MALRD1: variants seen among roughly 807,000 people sequenced by gnomAD.
MALRD1 encodes the protein MAM and LDL receptor class A domain containing 1, also known as MAM and LDL-receptor class A domain-containing protein 1.
Under a neutral mutation model 242.1 loss-of-function variants are expected in MALRD1, and 247 were observed. The observed-to-expected ratio is 1.02, with a 90% CI of 0.92 to 1.13. The LOEUF is 1.13. Ranked by LOEUF, MALRD1 falls within the 50% of genes most tolerant of loss-of-function variation. The probability of loss-of-function intolerance (pLI) is 0.00; values close to 1 mark genes in which losing one functional copy is unlikely to be tolerated. For synonymous variants in MALRD1, 995 were observed against 866.6 expected (o/e 1.15, Z -2.60); for missense variants, 2,989 against 2,533.1 (o/e 1.18, Z -3.86).
At chr10:19,156,863 G>A (rs187368795) in intron 12 of MALRD1, among the ~76,000 whole-genome samples, 10 of 152,190 alleles carry the variant, frequency 6.6e-5, no homozygotes, top group Admixed American at 1.3e-4. Flanking sequence ...TGGGGTTGGG[G>A]TGTTATTTAG....
intron 33 of MALRD1, among the ~76,000 whole-genome samples, chr10:19,593,061 G>T (rs1837901018): frequency 6.6e-6 from 1 of 150,790 alleles, no homozygotes; most frequent in Non-Finnish European, 1.5e-5. Flanking sequence ...CTAATGGAAA[G>T]ATTACAGAGA....
intron 29 of MALRD1, among the ~76,000 whole-genome samples, chr10:19,490,683 GATC>G (rs1246800494): frequency 6.6e-6 from 1 of 151,878 alleles, no homozygotes; most frequent in Non-Finnish European, 1.5e-5. Context: ...ATTAAATTCA[GATC>G]ATCACGCAAA....
intron 19 of MALRD1, among the ~76,000 whole-genome samples, chr10:19,277,315 T>C (rs970157377): frequency 5.3e-5 from 8 of 152,190 alleles, no homozygotes; most frequent in Non-Finnish European, 5.9e-5. Flanking sequence ...TACTTAACAA[T>C]CTATTAATCA....
rs1440919011 is a variant in MALRD1, at chr10:19,603,221, G to A, written c.5945-4556G>A. Among the ~76,000 whole-genome samples the A allele has an allele frequency of 2.6e-5, 4 of 152,170 alleles. No individual in the cohort carries two copies. The East Asian group carries it at 7.7e-4, about 29-fold the overall frequency. ...AATTAGATCTCATTTGTCAATTTTG[G>A]CTTTTGTTGTCATTGCTTTTGGTGT... On this transcript the variant is annotated intron_variant, in intron 34 of 39. Transcript: ENST00000454679.
chr10:19,498,370 G>A, intron 30 of MALRD1, 115 bp from the exon 31 acceptor site: 1 of 887,948 alleles, frequency 1.1e-6, no homozygotes, highest in East Asian at 2.7e-5. Flanking sequence ...TGCTGTAAGT[G>A]TATTTATAAA....
At chr10:19,656,665 T>C (rs1374567419) in intron 36 of MALRD1, among the ~76,000 whole-genome samples, 2 of 152,056 alleles carry the variant, frequency 1.3e-5, no homozygotes, top group East Asian at 3.9e-4. Flanking sequence ...ACTTTCCCAA[T>C]AGATACAAAT....
Position 19,082,541 on chromosome 10 carries a change from A to G in MALRD1, c.341-5299A>G, listed in dbSNP as rs1047179953. On this transcript the variant is annotated intron_variant, in intron 2 of 39. Transcript: ENST00000454679. ...TCTTTGAAAACATTTGACATAGCTGATTTAAAGTCTTTGTCTAATAAGTCT... is the reference window on the plus strand; with the variant it reads ...TCTTTGAAAACATTTGACATAGCTGGTTTAAAGTCTTTGTCTAATAAGTCT... 3.3e-5 allele frequency among the ~76,000 whole-genome samples: 5 copies of G among 151,966 alleles called. No individual in the cohort carries two copies. The Middle Eastern group carries it at 0.014, about 414-fold the overall frequency.
At chr10:19,299,828 T>C (rs1435371052) in intron 21 of MALRD1, among the ~76,000 whole-genome samples, 2 of 151,876 alleles carry the variant, frequency 1.3e-5, no homozygotes, top group Non-Finnish European at 2.9e-5. Context: ...ATGCCCACTC[T>C]CGTCACTCCT....
intron 10 of MALRD1, among the ~76,000 whole-genome samples, chr10:19,141,920 C>G (rs1833557306): frequency 6.6e-6 from 1 of 151,786 alleles, no homozygotes; most frequent in African/African-American, 2.4e-5. Context: ...CGCCTGTAAT[C>G]CCAGCATTTT....
intron 19 of MALRD1, 29 bp downstream of exon 19, chr10:19,257,800 A>G (rs778730334): frequency 1.4e-6 from 2 of 1,394,478 alleles, no homozygotes; most frequent in South Asian, 3.1e-5. Flanking sequence ...ATTTGGGGTT[A>G]TTTCTAAATC....
chr10:19,587,704 G>T (rs1837509668), intron 33 of MALRD1, among the ~76,000 whole-genome samples: 1 of 152,146 alleles, frequency 6.6e-6, no homozygotes, highest in Non-Finnish European at 1.5e-5. Context: ...TCAGGAACTG[G>T]AACTGTCTGC....
At chr10:19,190,084 C>A (rs1418457342) in intron 14 of MALRD1, among the ~76,000 whole-genome samples, 2 of 151,834 alleles carry the variant, frequency 1.3e-5, no homozygotes, top group South Asian at 2.1e-4. Context: ...CTACAAAAAA[C>A]CCTGTTAGAA....
chr10:19,698,936 C>T (rs1833494702), intron 38 of MALRD1, among the ~76,000 whole-genome samples: 2 of 151,990 alleles, frequency 1.3e-5, no homozygotes, highest in South Asian at 4.2e-4. Flanking sequence ...AGCAAACTAA[C>T]ACAGGAACAG....
chr10:19,420,593 AT>A (rs1403828522), intron 28 of MALRD1, among the ~76,000 whole-genome samples: 1 of 152,090 alleles, frequency 6.6e-6, no homozygotes, highest in Non-Finnish European at 1.5e-5. Context: ...GTAACAAGCC[AT>A]TTAATCAAGT....
Position 19,688,079 on chromosome 10 carries a change from C to T in MALRD1, c.6138-4203C>T, listed in dbSNP as rs190608439. Reference sequence around the variant, plus strand: ...CCGCCTCCCAGGTTCAAGCAGTTCTCCTGCCTCAGCCTCCCACGTCGCTGG... The same window carrying T: ...CCGCCTCCCAGGTTCAAGCAGTTCTTCTGCCTCAGCCTCCCACGTCGCTGG... On this transcript the variant is annotated intron_variant, in intron 36 of 39. Coordinates refer to ENST00000454679, the MANE Select transcript of MALRD1 (RefSeq NM_001142308.3). Among the ~76,000 whole-genome samples, 556 of 152,208 alleles carry T rather than the reference C, an allele frequency of 3.7e-3. 2 individuals carry two copies. Among genetic ancestry groups the T allele is most frequent in the African/African-American group, 0.013 (530 of 41,540 alleles).
At chr10:19,484,043 C>T (rs1837134945) in intron 29 of MALRD1, among the ~76,000 whole-genome samples, 1 of 152,124 alleles carries the variant, frequency 6.6e-6, no homozygotes, top group Non-Finnish European at 1.5e-5. Context: ...AATACCACAT[C>T]TTCTCACTTA....
intron 14 of MALRD1, 117 bp downstream of exon 14, chr10:19,175,445 C>A (rs1835187753): frequency 1.9e-6 from 1 of 534,050 alleles, no homozygotes; most frequent in Non-Finnish European, 2.5e-6. Flanking sequence ...GATTATATCA[C>A]CTGTTCTTGA....
At chr10:19,624,922 CTGA>C (rs1249048557) in intron 36 of MALRD1, among the ~76,000 whole-genome samples, 25 of 149,238 alleles carry the variant, frequency 1.7e-4, no homozygotes, top group South Asian at 4.3e-4. Flanking sequence ...TTAGATGAGG[CTGA>C]GCACAGTGGC....
At chr10:19,368,890 TTTGTGTGTGTGTGTG>T (rs1845234663) in intron 26 of MALRD1, among the ~76,000 whole-genome samples, 1 of 142,302 alleles carries the variant, frequency 7.0e-6, no homozygotes. Context: ...TGTGTGTGTG[TTTGTGTGTGTGTGTG>T]TGTGTGTGTG....
Sources: allele counts gnomAD v4.1 joint callset (sites outside exome capture counted in the v4.1 genomes callset), GRCh38; gene constraint gnomAD v4.1.1; transcripts MANE v1.5; gene names NCBI Gene and HGNC (gene_info 2026-07-23, HGNC 2026-07-21).